Variants in HFM1 observed in about 807,000 individuals in gnomAD.
HFM1 encodes probable ATP-dependent DNA helicase HFM1.
In HFM1, 169 loss-of-function variants were observed where a neutral mutation model predicts 192.1. The observed-to-expected ratio is 0.88, with a 90% CI of 0.78 to 1.00. HFM1 has a LOEUF of 1.00. Among genes scored for constraint, HFM1 ranks in the 50% least tolerant of loss-of-function variants. HFM1 has a pLI of 0.00. For missense variants in HFM1, 1,661 were observed against 1,668.0 expected (o/e 1.00, Z 0.07); for synonymous variants, 525 against 537.8 (o/e 0.98, Z 0.33).
intron 20 of HFM1, among the ~76,000 whole-genome samples, chr1:91,334,712 T>G (rs1654323290): frequency 6.6e-6 from 1 of 151,872 alleles, no homozygotes; most frequent in East Asian, 1.9e-4. Context: ...AGGTGGATCA[T>G]GAGGTCAGGA....
At chr1:91,387,797 G>T (rs1172626872) in intron 4 of HFM1, among the ~76,000 whole-genome samples, 1 of 148,186 alleles carries the variant, frequency 6.7e-6, no homozygotes, top group Non-Finnish European at 1.5e-5. Context: ...GGATAGCATT[G>T]GGAGATATAC....
Position 91,381,007 on chromosome 1 carries a change from A to G in HFM1, c.803-25T>C, listed in dbSNP as rs561066767. 3.1e-4 allele frequency: 307 copies of G among 1,003,060 alleles called. 8 individuals carry two copies. The South Asian group carries it at 4.1e-3, about 13-fold the overall frequency. 62.1% of individuals were successfully genotyped at this position (1,003,060 alleles called of 1,614,324 possible). A position where few individuals can be genotyped will look rare whatever the true frequency, so the allele number is the denominator to read the frequency against. ...GCTTACAATAACATTAAGGAGTCAA[A>G]TATTTCAGAATTTAAAAAATTAGTT... On this transcript the variant is annotated intron_variant, in intron 6 of 38. Coordinates refer to ENST00000370425, the MANE Select transcript of HFM1 (RefSeq NM_001017975.6).
intron 23 of HFM1, among the ~76,000 whole-genome samples, chr1:91,320,565 T>C (rs1306599190): frequency 6.6e-6 from 1 of 152,176 alleles, no homozygotes; most frequent in Non-Finnish European, 1.5e-5. Flanking sequence ...TGAAGTAATA[T>C]TTATTTATAT....
At position 91,378,017 on chromosome 1, in the gene HFM1, TA is replaced by T. The variant is rs1344511372; in HGVS notation, c.1395+7del. ...AAACCTAAGAGCTCAGTTAAAATTG[TA>T]ACTCACATCCTCAGCATTTGGAATT... On this transcript the variant is annotated splice_region_variant and intron_variant, in intron 11 of 38. Transcript: ENST00000370425. 6.2e-7 allele frequency: 1 copy of T among 1,608,016 alleles called. No individual in the cohort carries two copies. The highest frequency in any genetic ancestry group is 1.3e-5 in the African/African-American group (1 of 74,676).
At chr1:91,349,187 G>C (rs1415718938) in intron 18 of HFM1, among the ~76,000 whole-genome samples, 1 of 152,046 alleles carries the variant, frequency 6.6e-6, no homozygotes, top group Non-Finnish European at 1.5e-5. Context: ...TACTCAGAAG[G>C]GTAAGGCAGA....
chr1:91,353,219 T>G (rs773399858), intron 14 of HFM1, 37 bp downstream of exon 14: 4 of 1,564,316 alleles, frequency 2.6e-6, no homozygotes, highest in Non-Finnish European at 3.5e-6. Flanking sequence ...TTCATCTATA[T>G]GTGAAAATGC....
chr1:91,319,080 A>AT lies in HFM1; in HGVS notation c.2809dup (p.Ile937AsnfsTer18), dbSNP rs1651684368. On this transcript the variant is annotated frameshift_variant, in exon 25 of 39. Coordinates refer to ENST00000370425, the MANE Select transcript of HFM1 (RefSeq NM_001017975.6). LOFTEE classifies it high-confidence loss of function. Reference sequence around the variant, plus strand: ...GCCTGCCTGTATTCAGTACCTACCAATTTTTTCCAGTTGTTTGGATACATG... The same window carrying AT: ...GCCTGCCTGTATTCAGTACCTACCAATTTTTTTCCAGTTGTTTGGATACATG... The AT allele has an allele frequency of 5.7e-6, 9 of 1,588,800 alleles. No individual in the cohort carries two copies. Among genetic ancestry groups the AT allele is most frequent in the Non-Finnish European group, 7.7e-6 (9 of 1,173,306 alleles).
At chr1:91,377,414 T>C (rs1043105101) in intron 11 of HFM1, 2 of 152,036 alleles carry the variant, frequency 1.3e-5, no homozygotes, top group African/African-American at 4.8e-5. Flanking sequence ...GAGAAGTAAG[T>C]AGGAGTGAGA....
At chr1:91,385,479 T>A (rs1662083127) in intron 5 of HFM1, 96 bp downstream of exon 5, 1 of 1,036,860 alleles carries the variant, frequency 9.6e-7, no homozygotes, top group Non-Finnish European at 1.4e-6. Context: ...AGAGAGATAA[T>A]TTACTCAAAT....
intron 5 of HFM1, 33 bp from the exon 6 acceptor site, chr1:91,385,267 A>G: frequency 2.4e-6 from 3 of 1,273,022 alleles, no homozygotes; most frequent in South Asian, 1.3e-5. Flanking sequence ...TTATATAAAT[A>G]TCAAAAAAAA....
chr1:91,338,815 T>C (rs1157576089), intron 20 of HFM1, among the ~76,000 whole-genome samples: 2 of 152,134 alleles, frequency 1.3e-5, no homozygotes, highest in African/African-American at 4.8e-5. Flanking sequence ...CTGGTGCACA[T>C]ACCCAGACCT....
At chr1:91,364,278 A>G (rs1008795116) in intron 13 of HFM1, among the ~76,000 whole-genome samples, 4 of 152,044 alleles carry the variant, frequency 2.6e-5, no homozygotes, top group Admixed American at 6.6e-5. Flanking sequence ...TAAAACCACT[A>G]TATTATAGAC....
At chr1:91,312,488 A>G (rs899143701) in intron 30 of HFM1, among the ~76,000 whole-genome samples, 1 of 152,180 alleles carries the variant, frequency 6.6e-6, no homozygotes, top group Non-Finnish European at 1.5e-5. Flanking sequence ...GATTTCAGAC[A>G]TGCATGGGGC....
At chr1:91,365,193 A>G (rs1246571803) in intron 13 of HFM1, among the ~76,000 whole-genome samples, 1 of 152,190 alleles carries the variant, frequency 6.6e-6, no homozygotes, top group East Asian at 1.9e-4. Context: ...TATCAGAGGC[A>G]GGAAGGGTGG....
intron 20 of HFM1, among the ~76,000 whole-genome samples, chr1:91,338,386 A>G (rs1231021179): frequency 6.6e-6 from 1 of 152,150 alleles, no homozygotes. Context: ...TGATGGGGCC[A>G]GTCTTATCTG....
intron 28 of HFM1, 121 bp downstream of exon 28, chr1:91,315,694 G>A: frequency 1.6e-6 from 1 of 633,892 alleles, no homozygotes; most frequent in Non-Finnish European, 2.6e-6. Flanking sequence ...TCCCATTATT[G>A]TGTCAGGAAA....
chr1:91,348,796 T>G (rs1222298375), intron 18 of HFM1, among the ~76,000 whole-genome samples: 2 of 152,016 alleles, frequency 1.3e-5, no homozygotes, highest in Non-Finnish European at 2.9e-5. Context: ...TGCTGGCATG[T>G]GCCTGTAGTA....
chr1:91,377,957 T>G (rs1409590184), intron 11 of HFM1, 68 bp downstream of exon 11: 1 of 1,397,230 alleles, frequency 7.2e-7, no homozygotes. Context: ...CTTTTCTCTA[T>G]GATCAAGATG....
intron 13 of HFM1, among the ~76,000 whole-genome samples, chr1:91,366,698 T>C (rs1466412214): frequency 6.6e-6 from 1 of 152,186 alleles, no homozygotes; most frequent in Non-Finnish European, 1.5e-5. Flanking sequence ...GCGTGAGCAA[T>C]GCAGAAGACA....
Sources: gnomAD v4.1 joint callset for allele counts (sites outside exome capture counted in the v4.1 genomes callset) on GRCh38, gnomAD v4.1.1 for gene constraint, MANE v1.5 for transcripts, NCBI Gene and HGNC (gene_info 2026-07-23, HGNC 2026-07-21) for gene names.